The following PRKG1 variants were observed in gnomAD, a reference collection of about 807,000 sequenced individuals.
PRKG1 encodes the protein cGMP-dependent protein kinase 1.
In PRKG1, 35 loss-of-function variants were observed where a neutral mutation model predicts 88.1. That is an observed-to-expected ratio of 0.40 (90% CI 0.30 to 0.53). The LOEUF is 0.53. Ranked by LOEUF, PRKG1 falls within the 20% of genes least tolerant of loss-of-function variation. The pLI is 0.59. For missense variants in PRKG1, 540 were observed against 839.8 expected, an observed-to-expected ratio of 0.64 and a Z score of 4.41; for synonymous variants, 303 against 292.5, an observed-to-expected ratio of 1.04 and a Z score of -0.37.
At chr10:52,008,174 TAGAA>T (rs1370214894) in intron 5 of PRKG1, among the ~76,000 whole-genome samples, 3 of 152,012 alleles carry the variant, frequency 2.0e-5, no homozygotes, top group African/African-American at 7.2e-5. Context: ...ATCAAAAAGT[TAGAA>T]AGATCTCAAA....
chr10:51,325,283 CAG>C (rs1382053483), intron 2 of PRKG1, among the ~76,000 whole-genome samples: 2 of 152,080 alleles, frequency 1.3e-5, no homozygotes, highest in African/African-American at 4.8e-5. Context: ...TGTTTTGAGA[CAG>C]AGTCTCGCTC....
chr10:51,868,867 C>G (rs143837305), intron 4 of PRKG1, among the ~76,000 whole-genome samples: 232 of 152,178 alleles, frequency 1.5e-3, no homozygotes, highest in African/African-American at 5.1e-3. Context: ...ATAAACTAGA[C>G]TTTTTCTGTT....
At chr10:51,849,338 T>C (rs1318920667) in intron 4 of PRKG1, among the ~76,000 whole-genome samples, 1 of 152,164 alleles carries the variant, frequency 6.6e-6, no homozygotes, top group Admixed American at 6.5e-5. Flanking sequence ...CTTAGAATGG[T>C]CAGCCATAAA....
intron 3 of PRKG1, chr10:51,698,804 T>C (rs1841380255): frequency 6.2e-7 from 1 of 1,614,038 alleles, no homozygotes; most frequent in Admixed American, 1.7e-5. Context: ...AGGAGGAATG[T>C]CCTTCACAGG....
intron 3 of PRKG1, among the ~76,000 whole-genome samples, chr10:51,776,961 C>T (rs1838456086): frequency 6.6e-6 from 1 of 152,142 alleles, no homozygotes; most frequent in Non-Finnish European, 1.5e-5. Flanking sequence ...AAGCTCTCTG[C>T]TTGATAATTT....
chr10:51,896,146 A>T (rs1386358246), intron 4 of PRKG1, among the ~76,000 whole-genome samples: 5 of 152,134 alleles, frequency 3.3e-5, no homozygotes, highest in Non-Finnish European at 7.3e-5. Context: ...ATTTGATTTT[A>T]AAAATGAAGA....
chr10:52,185,833 A>C (rs1839186696), intron 9 of PRKG1, among the ~76,000 whole-genome samples: 1 of 152,196 alleles, frequency 6.6e-6, no homozygotes, highest in Non-Finnish European at 1.5e-5. Flanking sequence ...CTTGAGCAGG[A>C]TCTGGAGGCT....
At chr10:51,431,180 GAA>G (rs945751534) in intron 2 of PRKG1, among the ~76,000 whole-genome samples, 17 of 152,324 alleles carry the variant, frequency 1.1e-4, no homozygotes, top group African/African-American at 3.8e-4. Context: ...TGAGTGAAGA[GAA>G]AGTGTATCAA....
intron 5 of PRKG1, among the ~76,000 whole-genome samples, chr10:52,047,424 T>A (rs1311366540): frequency 6.6e-6 from 1 of 152,126 alleles, no homozygotes; most frequent in Non-Finnish European, 1.5e-5. Context: ...GAGATCAGAG[T>A]GAGAAGAACT....
intron 1 of PRKG1, 147 bp from the exon 2 acceptor site, chr10:51,153,017 T>C: frequency 1.9e-6 from 1 of 517,680 alleles, no homozygotes; most frequent in South Asian, 5.8e-5. Flanking sequence ...GGACATACTT[T>C]GTTCTCCAGT....
chr10:51,963,356 C>T (rs558533949), intron 5 of PRKG1, among the ~76,000 whole-genome samples: 6 of 152,272 alleles, frequency 3.9e-5, no homozygotes, highest in East Asian at 1.9e-4. Context: ...TAAAGAAGCA[C>T]ATGCTAAAGC....
intron 3 of PRKG1, among the ~76,000 whole-genome samples, chr10:51,693,720 C>T (rs1198566248): frequency 1.3e-5 from 2 of 152,014 alleles, no homozygotes; most frequent in Non-Finnish European, 2.9e-5. Context: ...TCACTTTTGA[C>T]ACAATTCATG....
chr10:51,355,552 C>T (rs553452253), intron 2 of PRKG1, among the ~76,000 whole-genome samples: 1 of 152,080 alleles, frequency 6.6e-6, no homozygotes, highest in South Asian at 2.1e-4. Context: ...TTTCCCTTTT[C>T]TGAAAAGAAA....
At chr10:51,591,023 G>A (rs1424446744) in intron 3 of PRKG1, among the ~76,000 whole-genome samples, 2 of 152,136 alleles carry the variant, frequency 1.3e-5, no homozygotes, top group Admixed American at 1.3e-4. Flanking sequence ...AATTCAGATG[G>A]TAAATAGTTT....
At chr10:51,160,501 T>C (rs559171078) in intron 2 of PRKG1, among the ~76,000 whole-genome samples, 3 of 152,326 alleles carry the variant, frequency 2.0e-5, no homozygotes, top group African/African-American at 7.2e-5. Context: ...TGTTAAATAA[T>C]ATCAAATTAC....
At chr10:51,581,041 T>C (rs1004601760) in intron 3 of PRKG1, among the ~76,000 whole-genome samples, 2 of 152,014 alleles carry the variant, frequency 1.3e-5, no homozygotes, top group African/African-American at 4.8e-5. Context: ...CCACGATGCC[T>C]CCAATGCACT....
intron 3 of PRKG1, among the ~76,000 whole-genome samples, chr10:51,709,427 G>T (rs938911934): frequency 6.6e-6 from 1 of 152,094 alleles, no homozygotes; most frequent in East Asian, 1.9e-4. Flanking sequence ...CTGTGTATAC[G>T]TTCTTGCAGA....
chr10:51,155,413 G>C (rs370136239), intron 2 of PRKG1, among the ~76,000 whole-genome samples: 6 of 151,956 alleles, frequency 3.9e-5, no homozygotes, highest in Admixed American at 2.0e-4. Context: ...AATACTGTGA[G>C]GTAAAGGCTA....
chr10:51,362,540 T>C (rs1371434004), intron 2 of PRKG1, among the ~76,000 whole-genome samples: 1 of 151,932 alleles, frequency 6.6e-6, no homozygotes, highest in Non-Finnish European at 1.5e-5. Context: ...TTGACCACCA[T>C]TTATTCCATA....
Sources: allele counts gnomAD v4.1 joint callset (sites outside exome capture counted in the v4.1 genomes callset), GRCh38; gene constraint gnomAD v4.1.1; transcripts MANE v1.5; gene names NCBI Gene and HGNC (gene_info 2026-07-23, HGNC 2026-07-21).